The following ANKRD50 variants were observed in gnomAD, a reference collection of about 807,000 sequenced individuals.
ANKRD50 encodes ankyrin repeat domain 50, also known as ankyrin repeat domain-containing protein 50.
Under a neutral mutation model 112.0 loss-of-function variants are expected in ANKRD50, and 40 were observed. That is an observed-to-expected ratio of 0.36 (90% confidence interval 0.28 to 0.46). The LOEUF (loss-of-function observed/expected upper bound fraction) is 0.46. ANKRD50 is among the 20% of genes least tolerant of loss of function. The probability of loss-of-function intolerance (pLI) is 1.00; values close to 1 mark genes in which losing one functional copy is unlikely to be tolerated. For missense variants in ANKRD50, 1,487 were observed against 1,701.7 expected (o/e 0.87, Z 2.22); for synonymous variants, 613 against 619.1 (o/e 0.99, Z 0.15).
At chr4:124,697,941 T>C (rs1725288654) in intron 2 of ANKRD50, among the ~76,000 whole-genome samples, 1 of 151,996 alleles carries the variant, frequency 6.6e-6, no homozygotes, top group African/African-American at 2.4e-5. Context: ...ACTTGTAGAG[T>C]GGAAAATACA....
At position 124,669,255 on chromosome 4, in the gene ANKRD50, C is replaced by G; in HGVS notation, c.4022G>C (p.Arg1341Pro). 1 of 1,613,686 alleles carries G rather than the reference C, an allele frequency of 6.2e-7. No individual in the cohort carries two copies. The highest frequency in any genetic ancestry group is 2.2e-5 in the East Asian group (1 of 44,850). Residue 1341 changes from arginine (R) to proline (P), a missense_variant, in exon 4 of 5, where the codon CGA (arginine) becomes CCA (proline). Transcript: ENST00000504087. ...MIPSAQQEIG[R>P]SQQQFLIHQQ... ...GTGAATAAGAAACTGCTGTTGAGAT[C>G]GACCAATTTCCTGCTGAGCTGAAGG...
intron 2 of ANKRD50, 64 bp downstream of exon 2, chr4:124,709,936 T>C: frequency 6.5e-7 from 1 of 1,535,760 alleles, no homozygotes; most frequent in Non-Finnish European, 8.7e-7. Context: ...AACAAAAAAC[T>C]ACAACTAAAA....
intron 2 of ANKRD50, among the ~76,000 whole-genome samples, chr4:124,682,322 CAAAAAAAAAAAAA>C (rs36107017): frequency 2.3e-5 from 2 of 87,544 alleles, no homozygotes; most frequent in African/African-American, 9.1e-5. Context: ...GACTCCGTCT[CAAAAAAAAAAAAA>C]AAAAAAAAAA....
At chr4:124,688,607 C>T (rs1364026021) in intron 2 of ANKRD50, among the ~76,000 whole-genome samples, 1 of 152,206 alleles carries the variant, frequency 6.6e-6, no homozygotes, top group African/African-American at 2.4e-5. Flanking sequence ...ACTCAGAACT[C>T]AGGAGACTAA....
In ANKRD50 at chr4:124,670,684, C is replaced by T; in HGVS notation, c.2593G>A (p.Ala865Thr). The change falls in exon 4 of 5, where the codon GCA becomes ACA. Residue 865 changes from alanine to threonine, a missense_variant. By Grantham distance (58) the Ala-to-Thr change is moderately conservative (BLOSUM62 0). Coordinates refer to ENST00000504087, the MANE Select transcript of ANKRD50 (RefSeq NM_020337.3). ...AFEGHRLICEALIEQGARTNE... is the reference protein window; with the variant it reads ...AFEGHRLICETLIEQGARTNE... ...GTTCTAGCACCTTGTTCAATAAGTGCTTCACATATCAATCTGTGCCCTTCA... is the reference window on the plus strand; with the variant it reads ...GTTCTAGCACCTTGTTCAATAAGTGTTTCACATATCAATCTGTGCCCTTCA... 6.2e-7 allele frequency: 1 copy of T among 1,613,196 alleles called. No homozygotes were observed. The highest frequency in any genetic ancestry group is 8.5e-7 in the Non-Finnish European group (1 of 1,179,722).
chr4:124,667,729 G>A (rs1035272868), intron 4 of ANKRD50, among the ~76,000 whole-genome samples: 5 of 151,622 alleles, frequency 3.3e-5, no homozygotes, highest in African/African-American at 1.2e-4. Context: ...TTTTTAATAC[G>A]TATTTATATT....
rs1171196332 is a variant in ANKRD50, at chr4:124,667,078, A to C, written c.*440T>G. The C allele has an allele frequency of 6.6e-6, 1 of 152,008 alleles. No homozygotes were observed. Among genetic ancestry groups the C allele is most frequent in the Admixed American group, 6.6e-5 (1 of 15,222 alleles). The allele number at this position is 152,008 out of a possible 1,614,324, so 9.4% of individuals were successfully genotyped here. On this transcript the variant is annotated 3_prime_UTR_variant, in exon 5 of 5. Transcript: ENST00000504087. Reference sequence around the variant, plus strand: ...ATACAAGAAACAGGCCATACACTACAATGCAATGTGACTGAAACAGTATGT... The same window carrying C: ...ATACAAGAAACAGGCCATACACTACCATGCAATGTGACTGAAACAGTATGT...
chr4:124,667,582 T>G (rs1377453427), intron 4 of ANKRD50, 68 bp from the exon 5 acceptor site: 3 of 152,018 alleles, frequency 2.0e-5, no homozygotes, highest in Non-Finnish European at 4.4e-5. Context: ...ATTTTAAAAC[T>G]TTATTTAATA....
Position 124,670,683 on chromosome 4 carries a change from G to A in ANKRD50, c.2594C>T (p.Ala865Val). The A allele has an allele frequency of 1.2e-6, 2 of 1,613,134 alleles. No homozygotes were observed. Among genetic ancestry groups the A allele is most frequent in the Non-Finnish European group, 1.7e-6 (2 of 1,179,714 alleles). The change falls in exon 4 of 5, where the codon GCA becomes GTA. Residue 865 changes from alanine (A) to valine (V), a missense_variant. By Grantham distance (64) the Ala-to-Val change is moderately conservative. Around this residue, in one of 2 missense-constraint regions of ANKRD50, gnomAD observed 1,046 missense variants for 1,269.5 expected, o/e 0.82. Transcript: ENST00000504087. ...AFEGHRLICE[A>V]LIEQGARTNE... The stretch of plus-strand genomic sequence containing the variant: ...TGTTCTAGCACCTTGTTCAATAAGT[G>A]CTTCACATATCAATCTGTGCCCTTC...
At chr4:124,709,412 A>C (rs112110900) in intron 2 of ANKRD50, among the ~76,000 whole-genome samples, 113 of 152,296 alleles carry the variant, frequency 7.4e-4, no homozygotes, top group Middle Eastern at 6.8e-3. Context: ...ACTAAAAGTA[A>C]AAGTAGTAAG....
Position 124,670,105 on chromosome 4 carries a change from T to C in ANKRD50, c.3172A>G (p.Ile1058Val), listed in dbSNP as rs759594537. 3 of 1,613,456 alleles carry C rather than the reference T, an allele frequency of 1.9e-6. No homozygotes were observed. The South Asian group carries it at 3.3e-5, about 18-fold the overall frequency. ...TCTAATAAGACCTGAACAACATCAATGTGCCCTTCCTGGGCTGCAATACAG... is the reference window on the plus strand; with the variant it reads ...TCTAATAAGACCTGAACAACATCAACGTGCCCTTCCTGGGCTGCAATACAG... ...ALCIAAQEGH[I>V]DVVQVLLEHG... The change falls in exon 4 of 5, where the codon ATT (isoleucine) becomes GTT (valine). Residue 1058 changes from isoleucine to valine, a missense_variant. By Grantham distance (29) the Ile-to-Val change is conservative (BLOSUM62 3). Around this residue, in one of 2 missense-constraint regions of ANKRD50, gnomAD observed 441 missense variants for 432.2 expected, o/e 1.02. Transcript: ENST00000504087.
intron 4 of ANKRD50, 32 bp downstream of exon 4, chr4:124,668,948 TTTTG>T: frequency 6.4e-7 from 1 of 1,560,068 alleles, no homozygotes; most frequent in South Asian, 1.2e-5. Context: ...GGAACTCTAC[TTTTG>T]TTTTTTACTC....
rs1198710567 is a variant in ANKRD50, at chr4:124,670,766, C to T, written c.2511G>A (p.Gly837=). 1.2e-6 allele frequency: 2 copies of T among 1,613,740 alleles called. No homozygotes were observed. Among genetic ancestry groups the T allele is most frequent in the South Asian group, 2.2e-5 (2 of 91,068 alleles). ...VEVVRTLLDR[G]LDENHRDDAG... is the part of the protein sequence containing the mutation. ...CATCATCTCTGTGATTTTCATCTAA[C>T]CCTCTATCCAGTAGAGTACGTACCA... The change falls in exon 4 of 5, where the codon GGG becomes GGA. Residue 837 remains glycine, a synonymous_variant. Coordinates refer to ENST00000504087, the MANE Select transcript of ANKRD50 (RefSeq NM_020337.3).
At chr4:124,696,850 T>C (rs1352420265) in intron 2 of ANKRD50, among the ~76,000 whole-genome samples, 1 of 152,186 alleles carries the variant, frequency 6.6e-6, no homozygotes, top group African/African-American at 2.4e-5. Context: ...AGCAAACACA[T>C]TGATAGATAT....
At chr4:124,668,257 A>C (rs986632176) in intron 4 of ANKRD50, among the ~76,000 whole-genome samples, 1 of 152,050 alleles carries the variant, frequency 6.6e-6, no homozygotes, top group Non-Finnish European at 1.5e-5. Flanking sequence ...TCCAGGTATA[A>C]AGTGCCCTAA....
intron 2 of ANKRD50, among the ~76,000 whole-genome samples, chr4:124,695,319 T>C (rs568845041): frequency 7.6e-4 from 116 of 152,278 alleles, no homozygotes; most frequent in Admixed American, 1.6e-3. Context: ...CAGGGGTTAT[T>C]TGCTAATTTG....
At position 124,671,426 on chromosome 4, in the gene ANKRD50, A is replaced by T; in HGVS notation, c.1851T>A (p.Ser617=). 1 of 1,613,888 alleles carries T rather than the reference A, an allele frequency of 6.2e-7. No individual in the cohort carries two copies. Among genetic ancestry groups the T allele is most frequent in the Non-Finnish European group, 8.5e-7 (1 of 1,179,868 alleles). The change falls in exon 4 of 5, where the codon TCT becomes TCA. Residue 617 remains serine (S), a synonymous_variant. Coordinates refer to ENST00000504087, the MANE Select transcript of ANKRD50 (RefSeq NM_020337.3). The part of the protein sequence containing the change: ...TDQDGWTALR[S]AAWGGHTEVV... Reference sequence around the variant, plus strand: ...CCTCAGTATGGCCACCCCAAGCAGCAGATCTTAATGCTGTCCAACCATCTT... The same window carrying T: ...CCTCAGTATGGCCACCCCAAGCAGCTGATCTTAATGCTGTCCAACCATCTT...
At chr4:124,697,034 G>T (rs1247334637) in intron 2 of ANKRD50, among the ~76,000 whole-genome samples, 1 of 152,078 alleles carries the variant, frequency 6.6e-6, no homozygotes, top group African/African-American at 2.4e-5. Context: ...GTACTTACAG[G>T]TTTCCTTAGA....
chr4:124,672,577 AT>A, intron 3 of ANKRD50, 43 bp from the exon 4 acceptor site: 1 of 1,356,784 alleles, frequency 7.4e-7, no homozygotes, highest in Non-Finnish European at 1.0e-6. Context: ...GTTGAAAAGG[AT>A]TATAGAAGTA....
Sources: allele counts gnomAD v4.1 joint callset (sites outside exome capture counted in the v4.1 genomes callset), GRCh38; gene constraint gnomAD v4.1.1; regional missense constraint gnomAD v4.1.1; transcripts MANE v1.5; gene names NCBI Gene and HGNC (gene_info 2026-07-23, HGNC 2026-07-21).